Variants in MYH7B observed in about 807,000 individuals in gnomAD.
MYH7B encodes myosin heavy chain 7B.
In MYH7B, 205 loss-of-function variants were observed where a neutral mutation model predicts 234.5. The ratio of observed to expected loss-of-function variants is 0.87; its 90% CI spans 0.78 to 0.98. The LOEUF is 0.98. Ranked by LOEUF, MYH7B falls within the 50% of genes least tolerant of loss-of-function variation. The pLI, the probability that MYH7B is intolerant of heterozygous loss-of-function variation, is 0.00. For missense variants in MYH7B, 2,652 were observed against 2,633.4 expected (o/e 1.01, Z -0.15); for synonymous variants, 1,193 against 1,105.0 (o/e 1.08, Z -1.58).
rs747955411 is a variant in MYH7B, at chr20:34,981,018, T to C, written c.500-15T>C. On this transcript the variant is annotated splice_polypyrimidine_tract_variant and intron_variant, in intron 8 of 44. Transcript: ENST00000262873. The stretch of plus-strand genomic sequence containing the variant: ...CACCTTGGCTGACTTCTCTATCCCC[T>C]TCCCTTTCCTCCAGACCGAGACAAC... 1 of 1,614,020 alleles carries C rather than the reference T, an allele frequency of 6.2e-7. No individual in the cohort carries two copies. Among genetic ancestry groups the C allele is most frequent in the East Asian group, 2.2e-5 (1 of 44,874 alleles).
At chr20:34,998,668 C>T in intron 34 of MYH7B, 39 bp downstream of exon 34, 1 of 1,612,294 alleles carries the variant, frequency 6.2e-7, no homozygotes, top group Non-Finnish European at 8.5e-7. Flanking sequence ...GGCAGGTGGG[C>T]ACCAGAGCCA....
Position 34,995,642 on chromosome 20 carries a change from C to T in MYH7B, c.2943+64C>T. 1.9e-6 allele frequency: 3 copies of T among 1,594,766 alleles called. No individual in the cohort carries two copies. In the South Asian group the frequency reaches 3.3e-5, roughly 18 times the overall value. On this transcript the variant is annotated intron_variant, in intron 28 of 44. Transcript: ENST00000262873. ...AGGGGCCAGCTTTGGGGCCAGGTGG[C>T]TGCAGGTCCCACCCCGGCTCTGCTA...
chr20:34,986,993 T>C lies in MYH7B; in HGVS notation c.1008+4T>C. 1 of 1,612,236 alleles carries C rather than the reference T, an allele frequency of 6.2e-7. No individual in the cohort carries two copies. Among genetic ancestry groups the C allele is most frequent in the Non-Finnish European group, 8.5e-7 (1 of 1,178,592 alleles). ...GGAGGAGCTCATCGCCACCGACGTA[T>C]GAGCTCTGGTGGGAGGGGAGCTGTG... is the stretch of plus-strand genomic sequence containing the variant. On this transcript the variant is annotated splice_donor_region_variant and intron_variant, in intron 15 of 44. Coordinates refer to ENST00000262873, the Ensembl canonical transcript of MYH7B.
exon 26 of MYH7B, chr20:34,993,336 GTTC>G: frequency 6.2e-7 from 1 of 1,614,106 alleles, no homozygotes; most frequent in Non-Finnish European, 8.5e-7. Context: ...GCCCCCAGGT[GTTC>G]TTCAAGGCTG....
In MYH7B at chr20:34,988,377, T is replaced by C. The variant is rs1008224298; in HGVS notation, c.1587+115T>C. The C allele has an allele frequency of 1.1e-5, 13 of 1,197,086 alleles. No homozygotes were observed. The East Asian group carries it at 2.8e-4, about 26-fold the overall frequency. The allele number at this position is 1,197,086 out of a possible 1,614,324, so 74.2% of individuals were successfully genotyped here. A position where few individuals can be genotyped will look rare whatever the true frequency, so the allele number is the denominator to read the frequency against. On this transcript the variant is annotated intron_variant, in intron 19 of 44. Coordinates refer to ENST00000262873, the Ensembl canonical transcript of MYH7B. ...GCAAGTGTGCATGGAAGCGTGTGACTGTGCGTTGCAGTAAGCATGCATGTG... is the reference window on the plus strand; with the variant it reads ...GCAAGTGTGCATGGAAGCGTGTGACCGTGCGTTGCAGTAAGCATGCATGTG...
At chr20:34,996,009 G>T (rs1204758788) in intron 28 of MYH7B, among the ~76,000 whole-genome samples, 1 of 139,480 alleles carries the variant, frequency 7.2e-6, no homozygotes, top group Non-Finnish European at 1.6e-5. Flanking sequence ...GTGAGGCAGG[G>T]GTAGGCAGCT....
At position 35,000,777 on chromosome 20, in the gene MYH7B, C is replaced by CTCCT; in HGVS notation, c.5189_5192dup (p.Asn1732ProfsTer29). On this transcript the variant is annotated frameshift_variant, in exon 40 of 45. Transcript: ENST00000262873. LOFTEE classifies it high-confidence loss of function. ...CTCCTCTTCCCCTCAGAACACAGGC[C>CTCCT]TCCTAAACCAGAAGAAGAAGCTGGA... is the stretch of plus-strand genomic sequence containing the variant. 2 of 1,613,112 alleles carry CTCCT rather than the reference C, an allele frequency of 1.2e-6. No homozygotes were observed. The highest frequency in any genetic ancestry group is 1.7e-6 in the Non-Finnish European group (2 of 1,179,558).
intron 2 of MYH7B, among the ~76,000 whole-genome samples, chr20:34,960,258 T>C (rs1600401873): frequency 1.3e-5 from 2 of 152,132 alleles, no homozygotes; most frequent in South Asian, 2.1e-4. Context: ...TTTTTTGAGA[T>C]GGAGTCTTGC....
chr20:34,977,606 T>C (rs769829380), intron 3 of MYH7B, 26 bp from the exon 4 acceptor site: 3 of 1,570,888 alleles, frequency 1.9e-6, no homozygotes, highest in South Asian at 1.2e-5. Context: ...ATTGCTGACA[T>C]AGCTCTCCTC....
At chr20:34,958,653 A>G (rs1044238188) in intron 2 of MYH7B, among the ~76,000 whole-genome samples, 2 of 152,130 alleles carry the variant, frequency 1.3e-5, no homozygotes, top group Admixed American at 6.5e-5. Flanking sequence ...TTTAGGAGAG[A>G]CAGGGTTTCA....
chr20:34,997,789 C>A, intron 32 of MYH7B, 149 bp downstream of exon 32: 1 of 1,020,236 alleles, frequency 9.8e-7, no homozygotes, highest in Non-Finnish European at 1.4e-6. Flanking sequence ...ATTTCTCAGC[C>A]TCCTACCAGT....
At position 34,985,801 on chromosome 20, in the gene MYH7B, G is replaced by A. The variant is rs139491897; in HGVS notation, c.806-299G>A. ...CACACACGGAGGCTCGGCCACACAC[G>A]CACACACGCTGACACACCAACAGAT... On this transcript the variant is annotated intron_variant, in intron 13 of 44. Coordinates refer to ENST00000262873, the Ensembl canonical transcript of MYH7B. Among the ~76,000 whole-genome samples the A allele has an allele frequency of 9.2e-5, 14 of 152,026 alleles. No individual in the cohort carries two copies. The East Asian group carries it at 1.2e-3, about 13-fold the overall frequency.
intron 10 of MYH7B, among the ~76,000 whole-genome samples, chr20:34,984,386 G>A (rs1473778569): frequency 6.6e-6 from 1 of 152,168 alleles, no homozygotes; most frequent in Non-Finnish European, 1.5e-5. Flanking sequence ...GGAGGCCCCT[G>A]GGGCTTGGAG....
chr20:34,986,989 C>T (rs756208457), exon 15 of MYH7B: 18 of 1,612,416 alleles, frequency 1.1e-5, no homozygotes, highest in Middle Eastern at 1.6e-4. Flanking sequence ...TCGCCACCGA[C>T]GTATGAGCTC....
At chr20:34,997,944 C>T (rs1485332370) in intron 32 of MYH7B, among the ~76,000 whole-genome samples, 2 of 152,116 alleles carry the variant, frequency 1.3e-5, no homozygotes, top group East Asian at 3.9e-4. Flanking sequence ...TAATACCTGT[C>T]CTCTCTTCCT....
exon 45 of MYH7B, chr20:35,002,187 G>A (rs748015446): frequency 1.3e-6 from 2 of 1,542,612 alleles, no homozygotes; most frequent in African/African-American, 1.4e-5. Flanking sequence ...CACAAGGAGT[G>A]ACGGCCTGAC....
chr20:34,989,389 T>C (rs576965637), intron 19 of MYH7B, among the ~76,000 whole-genome samples: 1 of 152,320 alleles, frequency 6.6e-6, no homozygotes, highest in African/African-American at 2.4e-5. Flanking sequence ...AGCCAAAATG[T>C]GAACTTGATG....
At position 35,001,369 on chromosome 20, in the gene MYH7B, T is replaced by C; in HGVS notation, c.5580+20T>C. On this transcript the variant is annotated intron_variant, in intron 42 of 44. Transcript: ENST00000262873. ...TACCAGGTGGGCGACAGGGTCTCCC[T>C]GGGGAGTGGCCCTGGAGCTGGCCCA... 1 of 1,600,430 alleles carries C rather than the reference T, an allele frequency of 6.2e-7. No homozygotes were observed. Among genetic ancestry groups the C allele is most frequent in the Non-Finnish European group, 8.5e-7 (1 of 1,173,946 alleles).
intron 5 of MYH7B, among the ~76,000 whole-genome samples, chr20:34,978,433 T>C (rs1224088934): frequency 6.6e-6 from 1 of 152,188 alleles, no homozygotes; most frequent in African/African-American, 2.4e-5. Context: ...CCTCCGCGTG[T>C]CCACAAAACT....
Sources: gnomAD v4.1 joint callset for allele counts (sites outside exome capture counted in the v4.1 genomes callset) on GRCh38, gnomAD v4.1.1 for gene constraint, MANE v1.5 for transcripts, NCBI Gene and HGNC (gene_info 2026-07-23, HGNC 2026-07-21) for gene names.